CDH7: variants seen among roughly 807,000 people sequenced by gnomAD.
CDH7 encodes cadherin 7.
In CDH7, 25 loss-of-function variants were observed where a neutral mutation model predicts 71.8. The observed-to-expected ratio is 0.35, with a 90% CI of 0.25 to 0.49. The LOEUF is 0.49. Ranked by LOEUF, CDH7 falls within the 20% of genes least tolerant of loss-of-function variation. The probability of loss-of-function intolerance (pLI) is 0.99; values close to 1 mark genes in which losing one functional copy is unlikely to be tolerated. For synonymous variants in CDH7, 381 were observed against 363.8 expected (o/e 1.05, Z -0.54); for missense variants, 862 against 974.6 (o/e 0.88, Z 1.54).
intron 7 of CDH7, among the ~76,000 whole-genome samples, chr18:65,856,365 C>T (rs958293321): frequency 6.6e-6 from 1 of 152,014 alleles, no homozygotes; most frequent in African/African-American, 2.4e-5. Flanking sequence ...GCTCATAGTA[C>T]ATAAATTGGT....
intron 2 of CDH7, among the ~76,000 whole-genome samples, chr18:65,805,975 A>T (rs1911303715): frequency 6.6e-6 from 1 of 152,204 alleles, no homozygotes; most frequent in Admixed American, 6.5e-5. Flanking sequence ...CTAAACTAGG[A>T]TTATGATTCA....
chr18:65,823,666 A>G (rs1409002707), intron 5 of CDH7, among the ~76,000 whole-genome samples: 1 of 151,976 alleles, frequency 6.6e-6, no homozygotes, highest in African/African-American at 2.4e-5. Flanking sequence ...AACAGTAACT[A>G]TTCACAAAGT....
Position 65,887,868 on chromosome 18 carries a change from AT to A in CDH7, c.*6976del, listed in dbSNP as rs1163927788. On this transcript the variant is annotated 3_prime_UTR_variant, in exon 12 of 12. Transcript: ENST00000397968. ...AATTCACATTAGTAAAACACACAGC[AT>A]TACTTTCAATGAAACTATAATTTTT... is the stretch of plus-strand genomic sequence containing the variant. 1 of 152,162 alleles carries A rather than the reference AT, an allele frequency of 6.6e-6. No individual in the cohort carries two copies. The highest frequency in any genetic ancestry group is 1.5e-5 in the Non-Finnish European group (1 of 68,018). 9.4% of individuals were successfully genotyped at this position (152,162 alleles called of 1,614,324 possible).
At chr18:65,864,231 C>T (rs888171471) in intron 11 of CDH7, 5 of 152,138 alleles carry the variant, frequency 3.3e-5, no homozygotes, top group African/African-American at 1.2e-4. Context: ...AGAACCACTG[C>T]AAACAAATTT....
At position 65,807,078 on chromosome 18, in the gene CDH7, G is replaced by T. The variant is rs560828880; in HGVS notation, c.211-2626G>T. On this transcript the variant is annotated intron_variant, in intron 2 of 11. Coordinates refer to ENST00000397968, the MANE Select transcript of CDH7 (RefSeq NM_004361.5). Reference sequence around the variant, plus strand: ...CGATGGGAAGAATAGTAAAGTTTAGGACTTCTGAAACAGGATGTGTGCGTG... The same window carrying T: ...CGATGGGAAGAATAGTAAAGTTTAGTACTTCTGAAACAGGATGTGTGCGTG... Among the ~76,000 whole-genome samples, 9 of 151,840 alleles carry T rather than the reference G, an allele frequency of 5.9e-5. 1 individual carries two copies. Among genetic ancestry groups the T allele is most frequent in the African/African-American group, 2.2e-4 (9 of 41,396 alleles).
intron 7 of CDH7, among the ~76,000 whole-genome samples, chr18:65,853,930 T>TCC (rs1301010527): frequency 2.5e-4 from 24 of 97,662 alleles, no homozygotes; most frequent in African/African-American, 9.9e-4. Context: ...TATATATATA[T>TCC]ATATATATAT....
At chr18:65,804,310 A>G (rs1228551598) in intron 2 of CDH7, among the ~76,000 whole-genome samples, 3 of 152,112 alleles carry the variant, frequency 2.0e-5, no homozygotes, top group Non-Finnish European at 4.4e-5. Context: ...ATTTATCTCC[A>G]TTTTACAGGG....
chr18:65,758,113 T>C (rs1916084411), intron 1 of CDH7, among the ~76,000 whole-genome samples: 1 of 152,210 alleles, frequency 6.6e-6, no homozygotes, highest in African/African-American at 2.4e-5. Context: ...TTTCTACATG[T>C]TGATATTTGT....
intron 6 of CDH7, among the ~76,000 whole-genome samples, chr18:65,838,580 T>A (rs1159100720): frequency 6.6e-6 from 1 of 152,200 alleles, no homozygotes; most frequent in Non-Finnish European, 1.5e-5. Context: ...TTAACTTGGA[T>A]CAATTCCTGA....
chr18:65,810,653 T>TA (rs113776803), intron 3 of CDH7, among the ~76,000 whole-genome samples: 148,691 of 152,218 alleles, frequency 0.98, 72,714 homozygotes, highest in East Asian at 1. Context: ...TCCCATCACC[T>TA]AGTATTAAGC....
intron 3 of CDH7, among the ~76,000 whole-genome samples, chr18:65,811,067 A>G (rs1429542622): frequency 6.6e-6 from 1 of 152,044 alleles, no homozygotes; most frequent in Admixed American, 6.5e-5. Context: ...ATTAGACTGG[A>G]TGAGAGATGG....
Position 65,880,712 on chromosome 18 carries a change from C to T in CDH7, c.2176C>T (p.Pro726Ser). 6.2e-7 allele frequency: 1 copy of T among 1,614,104 alleles called. No homozygotes were observed. The highest frequency in any genetic ancestry group is 8.5e-7 in the Non-Finnish European group (1 of 1,179,982). Residue 726 changes from proline (P) to serine (S), a missense_variant, in exon 12 of 12, where the codon CCT becomes TCT. Physicochemically the swap from Pro to Ser is moderately conservative, Grantham distance 74 (BLOSUM62 -1). Transcript: ENST00000397968. The part of the protein sequence containing the change: ...KEADVDPGAP[P>S]YDSLQTYAFE... ...AGCCGATGTTGATCCTGGTGCTCCT[C>T]CTTATGACTCCCTGCAGACATATGC...
intron 6 of CDH7, among the ~76,000 whole-genome samples, chr18:65,829,730 G>A (rs992029754): frequency 2.7e-5 from 4 of 149,204 alleles, no homozygotes; most frequent in Admixed American, 6.7e-5. Flanking sequence ...AACAGAAGAA[G>A]CACAGCGCCT....
chr18:65,820,139 C>G (rs1911868096), intron 4 of CDH7, among the ~76,000 whole-genome samples: 1 of 142,678 alleles, frequency 7.0e-6, no homozygotes, highest in Non-Finnish European at 1.5e-5. Flanking sequence ...TTTACATGCA[C>G]AATGCTTTTT....
In CDH7 at chr18:65,819,889, G is replaced by A. The variant is rs988158391; in HGVS notation, c.626-2192G>A. On this transcript the variant is annotated intron_variant, in intron 4 of 11. Transcript: ENST00000397968. ...GGTTCATGTGGTTGTCTAGGCTCCT[G>A]AGGGTAATTCGAAGCCTGAATATGC... 5.8e-4 allele frequency among the ~76,000 whole-genome samples: 88 copies of A among 150,958 alleles called. 2 individuals are homozygous for A. The highest frequency in any genetic ancestry group is 3.3e-4 in the Admixed American group (5 of 15,112).
intron 9 of CDH7, among the ~76,000 whole-genome samples, 180 bp downstream of exon 9, chr18:65,859,226 T>C (rs953981906): frequency 1.3e-5 from 2 of 152,264 alleles, no homozygotes; most frequent in Non-Finnish European, 2.9e-5. Context: ...TCCAGTTTAA[T>C]TGGGGTGATG....
At chr18:65,782,231 G>A (rs556583099) in intron 2 of CDH7, among the ~76,000 whole-genome samples, 5 of 149,370 alleles carry the variant, frequency 3.3e-5, no homozygotes, top group African/African-American at 7.5e-5. Context: ...CAGTGGCACC[G>A]TCTAGGCTCA....
intron 2 of CDH7, among the ~76,000 whole-genome samples, chr18:65,809,053 A>G (rs1052032224): frequency 2.0e-5 from 3 of 152,182 alleles, no homozygotes; most frequent in Admixed American, 6.5e-5. Context: ...GGGTATTTCA[A>G]CAAAGCTTTT....
rs147705465 is a variant in CDH7 at position 65,826,683 on chromosome 18, G to A, written c.981+1852G>A. On this transcript the variant is annotated intron_variant, in intron 6 of 11. Transcript: ENST00000397968. ...CTTTTTCAATAATATGTAACATTCA[G>A]TAGTTATTGTTATAATTGAAATGTT... 8.8e-3 allele frequency among the ~76,000 whole-genome samples: 1,332 copies of A among 151,358 alleles called. 16 individuals carry two copies. The highest frequency in any genetic ancestry group is 0.03 in the African/African-American group (1,255 of 41,416).
Sources: gnomAD v4.1 joint callset for allele counts (sites outside exome capture counted in the v4.1 genomes callset) on GRCh38, gnomAD v4.1.1 for gene constraint, MANE v1.5 for transcripts, NCBI Gene and HGNC (gene_info 2026-07-23, HGNC 2026-07-21) for gene names.